ZNF362: variants seen among roughly 807,000 people sequenced by gnomAD.
The protein encoded by ZNF362 is rotund homolog.
ZNF362 carries 11 observed loss-of-function variants against 42.9 expected under a neutral mutation model. The observed-to-expected ratio is 0.26, with a 90% confidence interval of 0.16 to 0.42. The LOEUF is 0.42. ZNF362 is among the 20% of genes least tolerant of loss of function. ZNF362 has a pLI of 1.00. For synonymous variants in ZNF362, 255 were observed against 257.3 expected (o/e 0.99, Z 0.09); for missense variants, 362 against 576.2 (o/e 0.63, Z 3.81).
intron 2 of ZNF362, 149 bp downstream of exon 2, chr1:33,270,761 T>G: frequency 7.0e-7 from 1 of 1,424,924 alleles, no homozygotes; most frequent in Non-Finnish European, 9.3e-7. Flanking sequence ...TACCCTCCTG[T>G]AGCGGCCTCC....
At chr1:33,193,022 TACGC>T in the ZNF362 span, among the ~76,000 whole-genome samples, 2 of 139,150 alleles carry the variant, frequency 1.4e-5, no homozygotes, top group South Asian at 2.3e-4. Flanking sequence ...TATATATATA[TACGC>T]ATATATATGC....
In ZNF362 at chr1:33,280,942, C is replaced by T. The variant is rs1570399898; in HGVS notation, c.683+485C>T. On this transcript the variant is annotated intron_variant, in intron 5 of 8. Coordinates refer to ENST00000539719, the MANE Select transcript of ZNF362 (RefSeq NM_152493.3). This position sits in a 1 kb window ranked among gnomAD's most constrained non-coding sequence, Gnocchi z 5.6. Reference sequence around the variant, plus strand: ...AAGTTAGCCGGGCATGGTGGTGCGCCCCTGTAATCCTAGCTACTCAGGAGG... The same window carrying T: ...AAGTTAGCCGGGCATGGTGGTGCGCTCCTGTAATCCTAGCTACTCAGGAGG... 1.3e-5 allele frequency among the ~76,000 whole-genome samples: 2 copies of T among 152,006 alleles called. No individual in the cohort carries two copies. Among genetic ancestry groups the T allele is most frequent in the Non-Finnish European group, 2.9e-5 (2 of 67,990 alleles).
chr1:33,233,844 A>T, the ZNF362 span, among the ~76,000 whole-genome samples: 1 of 152,118 alleles, frequency 6.6e-6, no homozygotes, highest in South Asian at 2.1e-4. Context: ...TTCCAGCTCC[A>T]TCACTTCCTA....
chr1:33,180,955 AC>A, the ZNF362 span: 1 of 385,502 alleles, frequency 2.6e-6, no homozygotes, highest in Non-Finnish European at 4.9e-6. Context: ...TCCAGCCCTG[AC>A]CCCACCCCCC....
the ZNF362 span, chr1:33,181,285 A>T: frequency 6.4e-7 from 1 of 1,551,044 alleles, no homozygotes; most frequent in Non-Finnish European, 8.7e-7. This position sits in a 1 kb window ranked among gnomAD's most constrained non-coding sequence, Gnocchi z 6.5. Context: ...CACTCGGGGC[A>T]GTCGCGGGCG....
chr1:33,133,948 T>A, the ZNF362 span, among the ~76,000 whole-genome samples: 3 of 152,338 alleles, frequency 2.0e-5, no homozygotes, highest in African/African-American at 7.2e-5. Context: ...ATGCCTTATC[T>A]TACTCAACCT....
At position 33,266,401 on chromosome 1, in the gene ZNF362, G is replaced by A. The variant is rs1367313718; in HGVS notation, c.-88-4086G>A. On this transcript the variant is annotated intron_variant, in intron 1 of 8. Coordinates refer to ENST00000539719, the MANE Select transcript of ZNF362 (RefSeq NM_152493.3). The surrounding 1 kb of genome is among the most constrained non-coding windows in gnomAD (Gnocchi z 4.3). ...CTCTGGGGCTGCAGCAGTGACGGCT[G>A]ATGGGGAGACAGGCCTAAAGCATAT... Among the ~76,000 whole-genome samples, 1 of 152,252 alleles carries A rather than the reference G, an allele frequency of 6.6e-6. No individual in the cohort carries two copies. Among genetic ancestry groups the A allele is most frequent in the Non-Finnish European group, 1.5e-5 (1 of 68,050 alleles).
chr1:33,256,189 GCGGCGA>G (rs1396013974), upstream of ZNF362, among the ~76,000 whole-genome samples: 1 of 145,292 alleles, frequency 6.9e-6, no homozygotes, highest in African/African-American at 2.5e-5. Context: ...GGCGGCGGCG[GCGGCGA>G]CGGCGAGCGC....
rs1291910404 is a variant in ZNF362, at chr1:33,276,449, G to A, written c.204G>A (p.Pro68=). The stretch of plus-strand genomic sequence containing the variant: ...CCACGTCGGCCTCGTCGCAGCAGCC[G>A]TTGCTAGTGCCGCCGGCACCCGCCG... ...LPPTSASSQQ[P]LLVPPAPAES... The change falls in exon 4 of 9, where the codon CCG becomes CCA. Residue 68 remains proline (P), a synonymous_variant. Transcript: ENST00000539719. 2.1e-5 allele frequency: 33 copies of A among 1,573,942 alleles called. No individual in the cohort carries two copies. The highest frequency in any genetic ancestry group is 4.7e-5 in the East Asian group (2 of 42,572).
At chr1:33,234,407 A>G in the ZNF362 span, among the ~76,000 whole-genome samples, 10 of 152,342 alleles carry the variant, frequency 6.6e-5, no homozygotes, top group South Asian at 2.1e-3. Flanking sequence ...GCCAAGGGCT[A>G]CATCAGAAGA....
intron 1 of ZNF362, among the ~76,000 whole-genome samples, chr1:33,260,596 A>T (rs1404855432): frequency 6.6e-6 from 1 of 152,138 alleles, no homozygotes; most frequent in African/African-American, 2.4e-5. Context: ...CCCTCTCATT[A>T]TTCGCATTTC....
chr1:33,215,365 G>A, the ZNF362 span, among the ~76,000 whole-genome samples: 1 of 152,056 alleles, frequency 6.6e-6, no homozygotes, highest in Admixed American at 6.5e-5. Context: ...TTGGGGTAGG[G>A]TGGGGTAGGG....
the ZNF362 span, among the ~76,000 whole-genome samples, chr1:33,197,353 T>C: frequency 6.6e-6 from 1 of 152,208 alleles, no homozygotes; most frequent in African/African-American, 2.4e-5. Context: ...ATAAACTCCC[T>C]TTCATATATA....
rs2148147701 is a variant in ZNF362, at chr1:33,299,346, T to TTC, written c.*301_*302dup. 1 of 254,556 alleles carries TTC rather than the reference T, an allele frequency of 3.9e-6. No homozygotes were observed. The highest frequency in any genetic ancestry group is 1.2e-4 in the South Asian group (1 of 8,206). The allele number at this position is 254,556 out of a possible 1,614,324, so 15.8% of individuals were successfully genotyped here. On this transcript the variant is annotated 3_prime_UTR_variant, in exon 9 of 9. Coordinates refer to ENST00000539719, the MANE Select transcript of ZNF362 (RefSeq NM_152493.3). ...CACTTGCTTCACTGTTTTTTTTTTTTTCGTTTTTTTTTTTTAAGTTTGTTT... is the reference window on the plus strand; with the variant it reads ...CACTTGCTTCACTGTTTTTTTTTTTTTCTCGTTTTTTTTTTTTAAGTTTGTTT...
intron 6 of ZNF362, among the ~76,000 whole-genome samples, chr1:33,285,283 G>A (rs1418037790): frequency 6.6e-6 from 1 of 152,058 alleles, no homozygotes; most frequent in African/African-American, 2.4e-5. Context: ...GTGTGGTGGT[G>A]CATGCCTGTA....
chr1:33,270,926 A>G (rs1645898391), intron 2 of ZNF362, among the ~76,000 whole-genome samples: 1 of 152,162 alleles, frequency 6.6e-6, no homozygotes, highest in Non-Finnish European at 1.5e-5. Context: ...ATTGGTATGC[A>G]GTGGGCCTCC....
In ZNF362 at chr1:33,292,783, G is replaced by A. The variant is rs533782402; in HGVS notation, c.909-2154G>A. On this transcript the variant is annotated intron_variant, in intron 6 of 8. Transcript: ENST00000539719. ...TAGGTGATGGGGAGCCTAAGTAAAC[G>A]AATTCCCCAGCCCTAGAGAGAATGA... Among the ~76,000 whole-genome samples, 7 of 152,290 alleles carry A rather than the reference G, an allele frequency of 4.6e-5. No individual in the cohort carries two copies. In the East Asian group the frequency reaches 5.8e-4, roughly 13 times the overall value.
chr1:33,221,817 A>G, the ZNF362 span, among the ~76,000 whole-genome samples: 1 of 152,202 alleles, frequency 6.6e-6, no homozygotes, highest in Non-Finnish European at 1.5e-5. Context: ...CTCACCCAGC[A>G]TGAACGATGG....
chr1:33,246,080 T>A, the ZNF362 span, among the ~76,000 whole-genome samples: 20 of 152,320 alleles, frequency 1.3e-4, no homozygotes, highest in African/African-American at 4.8e-4. Context: ...AGCATCGTCC[T>A]GCTGATGTCT....
Sources: allele counts gnomAD v4.1 joint callset (sites outside exome capture counted in the v4.1 genomes callset), GRCh38; gene constraint gnomAD v4.1.1; non-coding constraint Gnocchi (gnomAD v3.1); transcripts MANE v1.5; gene names NCBI Gene and HGNC (gene_info 2026-07-23, HGNC 2026-07-21).